The following AMOTL1 variants were observed in gnomAD, a reference collection of about 807,000 sequenced individuals.
The protein encoded by AMOTL1 is angiomotin like 1.
In AMOTL1, 45 loss-of-function variants were observed where a neutral mutation model predicts 102.9. The observed-to-expected ratio is 0.44, with a 90% CI of 0.34 to 0.56. AMOTL1 has a LOEUF of 0.56. Among genes scored for constraint, AMOTL1 ranks in the 20% least tolerant of loss-of-function variants. The pLI, the probability that AMOTL1 is intolerant of heterozygous loss-of-function variation, is 0.01. For missense variants in AMOTL1, 1,114 were observed against 1,225.6 expected (o/e 0.91, Z 1.36); for synonymous variants, 481 against 484.7 (o/e 0.99, Z 0.10).
chr11:94,838,310 A>C (rs1952224771), intron 6 of AMOTL1, among the ~76,000 whole-genome samples: 1 of 152,256 alleles, frequency 6.6e-6, no homozygotes. Context: ...TTTGCTGGAC[A>C]TTGAATGAAA....
intron 1 of AMOTL1, among the ~76,000 whole-genome samples, chr11:94,790,516 G>A (rs929514697): frequency 6.6e-6 from 1 of 152,160 alleles, no homozygotes; most frequent in Non-Finnish European, 1.5e-5. Flanking sequence ...AGTTAGGGGT[G>A]CATGTGAAGC....
upstream of AMOTL1, among the ~76,000 whole-genome samples, chr11:94,763,834 T>C (rs1330537790): frequency 2.0e-5 from 3 of 152,070 alleles, no homozygotes; most frequent in Admixed American, 2.0e-4. Flanking sequence ...AAGATCTGTG[T>C]GTAAGTTGAC....
chr11:94,735,096 C>A (rs11020931), intron 2 of AMOTL1, among the ~76,000 whole-genome samples: 14,559 of 152,234 alleles, frequency 0.096, 887 homozygotes, highest in East Asian at 0.26. Context: ...CTATGTAACC[C>A]CTGGGGGCCC....
At chr11:94,767,339 A>C (rs996107872), upstream of AMOTL1, among the ~76,000 whole-genome samples, 1 of 152,172 alleles carries the variant, frequency 6.6e-6, no homozygotes, top group African/African-American at 2.4e-5. Flanking sequence ...AGGGCCCATC[A>C]GGGGAATCAG....
intron 3 of AMOTL1, among the ~76,000 whole-genome samples, chr11:94,808,190 TC>T (rs1951600046): frequency 6.8e-6 from 1 of 148,124 alleles, no homozygotes; most frequent in South Asian, 2.2e-4. Flanking sequence ...CTCAAAATCA[TC>T]CCTCTGCTTA....
chr11:94,768,454 C>A lies in AMOTL1; in HGVS notation c.-58C>A. 2 of 1,554,492 alleles carry A rather than the reference C, an allele frequency of 1.3e-6. No individual in the cohort carries two copies. Among genetic ancestry groups the A allele is most frequent in the Middle Eastern group, 3.3e-4 (2 of 5,992 alleles). On this transcript the variant is annotated 5_prime_UTR_variant, in exon 1 of 13. Transcript: ENST00000433060. ...GGTTGATTGTCCGGCGCCACTTCCC[C>A]GCGCTGCCCGGCAGCCGTCTTCCCC... is the stretch of plus-strand genomic sequence containing the variant.
At chr11:94,816,134 A>G (rs1041309782) in intron 3 of AMOTL1, among the ~76,000 whole-genome samples, 1 of 152,170 alleles carries the variant, frequency 6.6e-6, no homozygotes. Flanking sequence ...TTTTTAACCC[A>G]AAGTTTAACT....
intron 4 of AMOTL1, 56 bp from the exon 5 acceptor site, chr11:94,829,994 C>G: frequency 6.6e-7 from 1 of 1,503,824 alleles, no homozygotes; most frequent in Non-Finnish European, 8.9e-7. Context: ...TCCATTTTAC[C>G]AAGACACCAG....
At position 94,821,569 on chromosome 11, in the gene AMOTL1, G is replaced by A. The variant is rs1466616645; in HGVS notation, c.1161G>A (p.Gln387=). 2 of 1,613,802 alleles carry A rather than the reference G, an allele frequency of 1.2e-6. No homozygotes were observed. Among genetic ancestry groups the A allele is most frequent in the South Asian group, 1.1e-5 (1 of 91,030 alleles). ...TTCCGTTCCCATCAACCATGCAGCA[G>A]CACAGCCCCATGTCCTCCCAGACCT... The part of the protein sequence containing the change: ...CQLPFPSTMQ[Q]HSPMSSQTSS... Residue 387 remains glutamine, a synonymous_variant, in exon 4 of 13, where the codon CAG becomes CAA. Transcript: ENST00000433060.
Position 94,870,766 on chromosome 11 carries a change from G to A in AMOTL1, c.2842G>A (p.Asp948Asn), listed in dbSNP as rs777061645. Residue 948 changes from aspartate (D) to asparagine (N), a missense_variant, in exon 13 of 13, where the codon GAT becomes AAT. By Grantham distance (23) the Asp-to-Asn change is conservative (BLOSUM62 1). Transcript: ENST00000433060. ...SSLLHKPEFP[D>N]GEMMEVLI ...CTTGCTGCACAAGCCCGAGTTCCCT[G>A]ATGGAGAGATGATGGAAGTCCTCAT... 6 of 1,600,414 alleles carry A rather than the reference G, an allele frequency of 3.7e-6. No homozygotes were observed. In the South Asian group the frequency reaches 5.7e-5, roughly 15 times the overall value.
chr11:94,790,745 A>G (rs974131209), intron 1 of AMOTL1, among the ~76,000 whole-genome samples: 1 of 152,164 alleles, frequency 6.6e-6, no homozygotes, highest in African/African-American at 2.4e-5. Flanking sequence ...AGTTGTGTGT[A>G]TTGTATGATA....
chr11:94,762,681 C>T (rs755931876), intron 3 of AMOTL1, among the ~76,000 whole-genome samples: 6 of 152,286 alleles, frequency 3.9e-5, no homozygotes, highest in Middle Eastern at 3.4e-3. Flanking sequence ...TGTCTCAGTC[C>T]GGGTCTGACA....
intron 3 of AMOTL1, among the ~76,000 whole-genome samples, chr11:94,753,202 C>T (rs567667682): frequency 7.2e-5 from 11 of 151,796 alleles, no homozygotes; most frequent in Admixed American, 3.3e-4. Context: ...ATCTTGTAGG[C>T]GGGTGATTAG....
intron 6 of AMOTL1, among the ~76,000 whole-genome samples, chr11:94,834,985 A>G (rs769421276): frequency 2.6e-5 from 4 of 152,226 alleles, no homozygotes; most frequent in East Asian, 1.9e-4. Context: ...TGAAGTGGAC[A>G]TGAAACAGGC....
At chr11:94,742,476 T>C (rs1001747630) in intron 3 of AMOTL1, among the ~76,000 whole-genome samples, 14 of 152,238 alleles carry the variant, frequency 9.2e-5, no homozygotes, top group African/African-American at 3.4e-4. Flanking sequence ...CACAGAATGA[T>C]TTGTGCTTCA....
intron 1 of AMOTL1, among the ~76,000 whole-genome samples, chr11:94,792,807 A>AC (rs1951307646): frequency 6.6e-6 from 1 of 152,180 alleles, no homozygotes; most frequent in Admixed American, 6.5e-5. Flanking sequence ...CACTGAGGAA[A>AC]CAGTGGTGAA....
rs942617874 is a variant in AMOTL1, at chr11:94,863,505, T to A, written c.2136-1230T>A. ...TACTTGGAAGGCTGAGACAAGAGAA[T>A]CGCTTGAACTCAGGAGGTGGAGGTT... On this transcript the variant is annotated intron_variant, in intron 9 of 12. Transcript: ENST00000433060. Among the ~76,000 whole-genome samples the A allele has an allele frequency of 3.4e-4, 51 of 152,058 alleles. 1 individual carries two copies. Among genetic ancestry groups the A allele is most frequent in the African/African-American group, 1.2e-3 (48 of 41,482 alleles).
At chr11:94,832,058 C>G (rs1164744670) in intron 6 of AMOTL1, among the ~76,000 whole-genome samples, 1 of 152,126 alleles carries the variant, frequency 6.6e-6, no homozygotes, top group Non-Finnish European at 1.5e-5. Context: ...GAATAATGAA[C>G]AGTGGCTTTG....
chr11:94,831,690 C>G (rs888990460), intron 6 of AMOTL1, 149 bp downstream of exon 6: 2 of 660,222 alleles, frequency 3.0e-6, no homozygotes, highest in Admixed American at 2.9e-5. Context: ...AGATGAGGCC[C>G]TCCTAGGTCT....
Sources: gnomAD v4.1 joint callset for allele counts (sites outside exome capture counted in the v4.1 genomes callset) on GRCh38, gnomAD v4.1.1 for gene constraint, MANE v1.5 for transcripts, NCBI Gene and HGNC (gene_info 2026-07-23, HGNC 2026-07-21) for gene names.